The following CHMP4C variants were observed in gnomAD, a reference collection of about 807,000 sequenced individuals.
CHMP4C encodes SNF7 homolog associated with Alix 3.
In CHMP4C, 28 loss-of-function variants were observed where a neutral mutation model predicts 29.0. The observed-to-expected ratio is 0.97, with a 90% confidence interval of 0.72 to 1.32. The LOEUF is 1.32. Ranked by LOEUF, CHMP4C falls within the 40% of genes most tolerant of loss-of-function variation. The pLI, the probability that CHMP4C is intolerant of heterozygous loss-of-function variation, is 0.00. For missense variants in CHMP4C, 291 were observed against 281.0 expected (o/e 1.04, Z -0.25); for synonymous variants, 106 against 102.4 (o/e 1.04, Z -0.21).
chr8:81,758,453 C>G (rs765415468), intron 4 of CHMP4C, 27 bp from the exon 5 acceptor site: 1 of 1,589,298 alleles, frequency 6.3e-7, no homozygotes, highest in African/African-American at 1.3e-5. Context: ...TCACCAATTA[C>G]TAATTTTTAT....
chr8:81,751,033 C>G (rs1372668773), intron 1 of CHMP4C, among the ~76,000 whole-genome samples: 2 of 151,978 alleles, frequency 1.3e-5, no homozygotes, highest in Non-Finnish European at 1.5e-5. Context: ...AAAAAGTTAG[C>G]TATTAAAAGA....
intron 1 of CHMP4C, among the ~76,000 whole-genome samples, chr8:81,742,387 A>G (rs1808772319): frequency 6.6e-6 from 1 of 152,208 alleles, no homozygotes; most frequent in Non-Finnish European, 1.5e-5. Flanking sequence ...TTGCATTAAG[A>G]GTTAAATTCT....
chr8:81,758,839 A>G lies in CHMP4C; in HGVS notation c.*295A>G. The G allele has an allele frequency of 4.2e-6, 1 of 239,292 alleles. No individual in the cohort carries two copies. Among genetic ancestry groups the G allele is most frequent in the Non-Finnish European group, 8.1e-6 (1 of 124,176 alleles). The allele number at this position is 239,292 out of a possible 1,614,324, so 14.8% of individuals were successfully genotyped here. A position where few individuals can be genotyped will look rare whatever the true frequency, so the allele number is the denominator to read the frequency against. ...AACATGAAGAAACCCTGTCTGTACT[A>G]AAAATACAAAAATTAGCCGGACATG... On this transcript the variant is annotated 3_prime_UTR_variant, in exon 5 of 5. Coordinates refer to ENST00000297265, the MANE Select transcript of CHMP4C (RefSeq NM_152284.4).
chr8:81,732,925 C>T (rs1003327836), intron 1 of CHMP4C, 109 bp downstream of exon 1: 24 of 1,033,186 alleles, frequency 2.3e-5, no homozygotes, highest in Non-Finnish European at 3.2e-5. Context: ...TTTGCTCCTG[C>T]AGTCTTTTCT....
At chr8:81,736,230 A>G (rs1441724031) in intron 1 of CHMP4C, among the ~76,000 whole-genome samples, 1 of 151,918 alleles carries the variant, frequency 6.6e-6, no homozygotes, top group African/African-American at 2.4e-5. Flanking sequence ...ATCAGGGCTC[A>G]CTGCAGCCTT....
Position 81,749,573 on chromosome 8 carries a change from G to A in CHMP4C, c.191-3491G>A, listed in dbSNP as rs73285801. On this transcript the variant is annotated intron_variant, in intron 1 of 4. Coordinates refer to ENST00000297265, the MANE Select transcript of CHMP4C (RefSeq NM_152284.4). ...GTGTGATAAATGCACCAGCAGATAC[G>A]GAAAAGCAATTTGGTATAAAGGGTG... is the stretch of plus-strand genomic sequence containing the variant. Among the ~76,000 whole-genome samples, 303 of 152,130 alleles carry A rather than the reference G, an allele frequency of 2.0e-3. 3 individuals are homozygous for A. Among genetic ancestry groups the A allele is most frequent in the African/African-American group, 7.0e-3 (289 of 41,514 alleles).
At chr8:81,736,922 T>G (rs548815913) in intron 1 of CHMP4C, among the ~76,000 whole-genome samples, 4 of 152,342 alleles carry the variant, frequency 2.6e-5, no homozygotes, top group African/African-American at 9.6e-5. Context: ...CCTTCAAATT[T>G]ATCTGGCAGT....
At chr8:81,746,885 A>G (rs1259348641) in intron 1 of CHMP4C, among the ~76,000 whole-genome samples, 1 of 152,228 alleles carries the variant, frequency 6.6e-6, no homozygotes, top group Non-Finnish European at 1.5e-5. Flanking sequence ...GGAAATGATG[A>G]TGATAAAGAT....
chr8:81,755,241 A>G (rs2291489), intron 2 of CHMP4C, 129 bp from the exon 3 acceptor site: 48,529 of 431,034 alleles, frequency 0.11, 3,381 homozygotes, highest in East Asian at 0.24. Flanking sequence ...AAATATCATC[A>G]GGAATATTTA....
At chr8:81,733,154 T>G (rs1221630465) in intron 1 of CHMP4C, among the ~76,000 whole-genome samples, 2 of 152,230 alleles carry the variant, frequency 1.3e-5, no homozygotes, top group East Asian at 3.8e-4. Flanking sequence ...TTTTTTTCAT[T>G]TGCCTCTAGC....
chr8:81,755,367 C>T lies in CHMP4C; in HGVS notation c.369-3C>T, dbSNP rs773930389. On this transcript the variant is annotated splice_polypyrimidine_tract_variant and splice_region_variant and intron_variant, in intron 2 of 4. Coordinates refer to ENST00000297265, the MANE Select transcript of CHMP4C (RefSeq NM_152284.4). ...AAATGTTCAACAAAATATGATTTCC[C>T]AGGGATCTGAACAAAATAGATGATT... The T allele has an allele frequency of 4.6e-6, 7 of 1,536,376 alleles. No individual in the cohort carries two copies. In the African/African-American group the frequency reaches 6.8e-5, roughly 15 times the overall value.
chr8:81,750,043 T>G (rs1808877645), intron 1 of CHMP4C, among the ~76,000 whole-genome samples: 1 of 152,104 alleles, frequency 6.6e-6, no homozygotes, highest in Non-Finnish European at 1.5e-5. Context: ...ATTTGCAGCC[T>G]GATGATGCAA....
At chr8:81,740,598 T>C (rs144224262) in intron 1 of CHMP4C, among the ~76,000 whole-genome samples, 13 of 152,344 alleles carry the variant, frequency 8.5e-5, no homozygotes, top group Non-Finnish European at 1.0e-4. Flanking sequence ...GATGTTCATC[T>C]AGCTATAAAT....
At chr8:81,750,925 T>C (rs1048882069) in intron 1 of CHMP4C, among the ~76,000 whole-genome samples, 19 of 152,040 alleles carry the variant, frequency 1.2e-4, no homozygotes, top group African/African-American at 4.6e-4. Flanking sequence ...ATTTCCTAAC[T>C]CCAAAGTGTA....
chr8:81,746,838 A>G (rs763016668), intron 1 of CHMP4C, among the ~76,000 whole-genome samples: 5 of 152,256 alleles, frequency 3.3e-5, no homozygotes, highest in Non-Finnish European at 5.9e-5. Context: ...GTGTCATACC[A>G]TGAGAGTCCC....
intron 1 of CHMP4C, among the ~76,000 whole-genome samples, chr8:81,744,235 G>T (rs1036270911): frequency 8.0e-5 from 12 of 150,530 alleles, no homozygotes; most frequent in African/African-American, 2.4e-4. Context: ...TCTTTAAAAC[G>T]AAGATGTGCT....
intron 1 of CHMP4C, among the ~76,000 whole-genome samples, chr8:81,747,274 A>C (rs935818842): frequency 6.6e-6 from 1 of 152,128 alleles, no homozygotes; most frequent in Non-Finnish European, 1.5e-5. Context: ...GATTTTCAGA[A>C]AGTTATCTAA....
rs1279408200 is a variant in CHMP4C, at chr8:81,759,503, A to G, written c.*959A>G. On this transcript the variant is annotated 3_prime_UTR_variant, in exon 5 of 5. Coordinates refer to ENST00000297265, the MANE Select transcript of CHMP4C (RefSeq NM_152284.4). ...TAAAAATATTGGCAATTAAAAGTAC[A>G]TCTTGAATAAAATGTTGGCCGTTAT... 6.6e-6 allele frequency: 1 copy of G among 152,240 alleles called. No individual in the cohort carries two copies. The highest frequency in any genetic ancestry group is 1.9e-4 in the East Asian group (1 of 5,200). The allele number at this position is 152,240 out of a possible 1,614,324, so 9.4% of individuals were successfully genotyped here.
intron 1 of CHMP4C, 82 bp from the exon 2 acceptor site, chr8:81,752,982 G>A: frequency 8.2e-7 from 1 of 1,215,128 alleles, no homozygotes; most frequent in Non-Finnish European, 1.1e-6. Context: ...GAAGGTCTAA[G>A]TCCATAGTGG....
Sources: gnomAD v4.1 joint callset for allele counts (sites outside exome capture counted in the v4.1 genomes callset) on GRCh38, gnomAD v4.1.1 for gene constraint, MANE v1.5 for transcripts, NCBI Gene and HGNC (gene_info 2026-07-23, HGNC 2026-07-21) for gene names.